TIMP2: variants seen among roughly 807,000 people sequenced by gnomAD.
The protein encoded by TIMP2 is metalloproteinase inhibitor 2.
In TIMP2, 5 loss-of-function variants were observed where a neutral mutation model predicts 24.3. The observed-to-expected ratio is 0.21, with a 90% confidence interval of 0.11 to 0.43. The LOEUF (loss-of-function observed/expected upper bound fraction) is 0.43, where lower values mean the gene tolerates loss of function less well. TIMP2 is among the 20% of genes least tolerant of loss of function. TIMP2 has a pLI of 1.00. For synonymous variants in TIMP2, 130 were observed against 123.2 expected, an observed-to-expected ratio of 1.06 and a Z score of -0.37; for missense variants, 221 against 297.5, an observed-to-expected ratio of 0.74 and a Z score of 1.89.
intron 1 of TIMP2, chr17:78,901,192 C>A (rs74002622): frequency 6.5e-6 from 1 of 153,858 alleles, no homozygotes; most frequent in Non-Finnish European, 1.5e-5. Flanking sequence ...CTGGATTCCA[C>A]GCACGAGGAA....
chr17:78,907,996 A>G (rs2070176211), intron 1 of TIMP2, among the ~76,000 whole-genome samples: 1 of 152,094 alleles, frequency 6.6e-6, no homozygotes, highest in African/African-American at 2.4e-5. Flanking sequence ...TTAGCTGGGC[A>G]TAGTGGTGTG....
chr17:78,862,248 AG>A (rs2069573178), intron 3 of TIMP2, among the ~76,000 whole-genome samples: 1 of 152,152 alleles, frequency 6.6e-6, no homozygotes, highest in Admixed American at 6.5e-5. Context: ...AGCCAGCCAG[AG>A]CTGAGTGGTT....
chr17:78,902,872 C>T (rs55750021), intron 1 of TIMP2: 74,422 of 152,202 alleles, frequency 0.49, 19,006 homozygotes, highest in African/African-American at 0.64. Flanking sequence ...ACTCCTCCAA[C>T]AACCATATTC....
intron 1 of TIMP2, among the ~76,000 whole-genome samples, chr17:78,908,054 C>T (rs566341867): frequency 6.6e-6 from 1 of 152,052 alleles, no homozygotes; most frequent in Non-Finnish European, 1.5e-5. Flanking sequence ...AGGATTGCTT[C>T]AGCCCAGGGA....
rs117539110 is a variant in TIMP2 at position 78,885,046 on chromosome 17, C to T, written c.131-11127G>A. Among the ~76,000 whole-genome samples, 560 of 152,320 alleles carry T rather than the reference C, an allele frequency of 3.7e-3. 29 individuals carry two copies. In the East Asian group the frequency reaches 0.08, roughly 22 times the overall value. On this transcript the variant is annotated intron_variant, in intron 1 of 4. Coordinates refer to ENST00000262768, the MANE Select transcript of TIMP2 (RefSeq NM_003255.5). The stretch of plus-strand genomic sequence containing the variant: ...GCACCTGCCAGACCCTGCTGGCCCC[C>T]CTCAGCCCATGGACAGCTGACCTCG...
intron 1 of TIMP2, chr17:78,898,765 T>G (rs7209999): frequency 0.11 from 16,651 of 152,254 alleles, 1,022 homozygotes; most frequent in African/African-American, 0.17. Flanking sequence ...TGAGACGGAG[T>G]CTTGCTCTGT....
At chr17:78,897,794 C>T (rs1006436315) in intron 1 of TIMP2, 1 of 152,244 alleles carries the variant, frequency 6.6e-6, no homozygotes, top group African/African-American at 2.4e-5. Flanking sequence ...AGACACGACA[C>T]AGGCCATACC....
intron 3 of TIMP2, among the ~76,000 whole-genome samples, chr17:78,862,934 C>T (rs781772664): frequency 1.4e-4 from 22 of 152,238 alleles, no homozygotes; most frequent in Non-Finnish European, 2.5e-4. Flanking sequence ...AGTATATATA[C>T]ACCACATTTC....
At chr17:78,863,569 C>G (rs2069584638) in intron 3 of TIMP2, among the ~76,000 whole-genome samples, 1 of 152,136 alleles carries the variant, frequency 6.6e-6, no homozygotes, top group South Asian at 2.1e-4. Flanking sequence ...TAAAGCTCTT[C>G]AAAATCTTTC....
In TIMP2 at chr17:78,920,920, G is replaced by A. The variant is rs191934948; in HGVS notation, c.130+4039C>T. 6.6e-6 allele frequency among the ~76,000 whole-genome samples: 1 copy of A among 152,080 alleles called. No individual in the cohort carries two copies. The highest frequency in any genetic ancestry group is 2.4e-5 in the African/African-American group (1 of 41,398). On this transcript the variant is annotated intron_variant, in intron 1 of 4. Transcript: ENST00000262768. The surrounding 1 kb of genome is among the most constrained non-coding windows in gnomAD (Gnocchi z 4.5). ...TTGCTTCTCCCTTACATCCCCGGGG[G>A]CAGAGGCAGCCACTCCATAATTGCT...
At chr17:78,913,684 C>G (rs904006026) in intron 1 of TIMP2, among the ~76,000 whole-genome samples, 1 of 151,852 alleles carries the variant, frequency 6.6e-6, no homozygotes, top group Non-Finnish European at 1.5e-5. Context: ...TTACTCCAGC[C>G]TGGGTGACAG....
intron 1 of TIMP2, among the ~76,000 whole-genome samples, chr17:78,919,957 G>A (rs1568010007): frequency 6.6e-6 from 1 of 152,142 alleles, no homozygotes; most frequent in Non-Finnish European, 1.5e-5. Flanking sequence ...CACCCCTCCT[G>A]CCCCTGCCAC....
Position 78,854,002 on chromosome 17 carries a change from C to A in TIMP2, c.*1665G>T, listed in dbSNP as rs2069504524. 6.6e-6 allele frequency: 1 copy of A among 152,192 alleles called. No homozygotes were observed. Among genetic ancestry groups the A allele is most frequent in the Non-Finnish European group, 1.5e-5 (1 of 68,116 alleles). 9.4% of individuals were successfully genotyped at this position (152,192 alleles called of 1,614,324 possible). A position where few individuals can be genotyped will look rare whatever the true frequency, so the allele number is the denominator to read the frequency against. On this transcript the variant is annotated 3_prime_UTR_variant, in exon 5 of 5. Coordinates refer to ENST00000262768, the MANE Select transcript of TIMP2 (RefSeq NM_003255.5). ...CAGGGGCCGATTCCTGGATACCCTCCCAGTCTGCCCTAGAAAGGGAAGTCA... is the reference window on the plus strand; with the variant it reads ...CAGGGGCCGATTCCTGGATACCCTCACAGTCTGCCCTAGAAAGGGAAGTCA...
intron 1 of TIMP2, among the ~76,000 whole-genome samples, chr17:78,885,305 G>C (rs960184662): frequency 6.6e-6 from 1 of 152,264 alleles, no homozygotes; most frequent in Non-Finnish European, 1.5e-5. Context: ...CACCAAACCA[G>C]AGCAGAGCTC....
At chr17:78,913,252 T>C (rs1385340894) in intron 1 of TIMP2, among the ~76,000 whole-genome samples, 1 of 152,102 alleles carries the variant, frequency 6.6e-6, no homozygotes. Context: ...GCGTTTGACC[T>C]GAGTCTATCT....
At chr17:78,886,693 A>G (rs769613032) in intron 1 of TIMP2, among the ~76,000 whole-genome samples, 1 of 152,164 alleles carries the variant, frequency 6.6e-6, no homozygotes, top group Non-Finnish European at 1.5e-5. Flanking sequence ...GAAGCAGAGG[A>G]TAGAAAGAAA....
chr17:78,883,144 G>C (rs1338280802), intron 1 of TIMP2, among the ~76,000 whole-genome samples: 3 of 152,316 alleles, frequency 2.0e-5, no homozygotes, highest in South Asian at 2.1e-4. Flanking sequence ...CAACCTCCTC[G>C]GCCCCCGGAA....
intron 1 of TIMP2, among the ~76,000 whole-genome samples, chr17:78,903,764 G>C (rs1030964146): frequency 2.2e-4 from 33 of 152,190 alleles, no homozygotes; most frequent in South Asian, 1.0e-3. Flanking sequence ...AAGCTGGCAG[G>C]GCGAGGCTGG....
At chr17:78,857,412 TC>T in intron 4 of TIMP2, 109 bp downstream of exon 4, 1 of 1,439,390 alleles carries the variant, frequency 6.9e-7, no homozygotes, top group East Asian at 2.3e-5. Context: ...TGGTCTTAGA[TC>T]AGGAGCCGGG....
Sources: gnomAD v4.1 joint callset for allele counts (sites outside exome capture counted in the v4.1 genomes callset) on GRCh38, gnomAD v4.1.1 for gene constraint, Gnocchi (gnomAD v3.1) non-coding constraint, MANE v1.5 for transcripts, NCBI Gene and HGNC (gene_info 2026-07-23, HGNC 2026-07-21) for gene names.